CACNA1S: variants seen among roughly 807,000 people sequenced by gnomAD.
CACNA1S encodes calcium voltage-gated channel subunit alpha1 S, also known as voltage-dependent L-type calcium channel subunit alpha-1S.
CACNA1S carries 126 observed loss-of-function variants against 207.4 expected under a neutral mutation model. The ratio of observed to expected loss-of-function variants is 0.61; its 90% CI spans 0.53 to 0.70. CACNA1S has a LOEUF of 0.70. Ranked by LOEUF, CACNA1S falls within the 30% of genes least tolerant of loss-of-function variation. CACNA1S has a pLI of 0.00. For synonymous variants in CACNA1S, 960 were observed against 932.7 expected, an observed-to-expected ratio of 1.03 and a Z score of -0.53; for missense variants, 2,349 against 2,422.8, an observed-to-expected ratio of 0.97 and a Z score of 0.64.
chr1:201,040,282 C>T lies in CACNA1S; in HGVS notation c.5319G>A (p.Arg1773=). ...HEETPHSRST[R]ENTSRCSAPA... is the part of the protein sequence containing the mutation. ...GTGCTGAGCACCTGGAAGTATTCTC[C>T]CTGGTGCTCCTGCTGTGGGGTGTCT... Residue 1773 remains arginine, a synonymous_variant, in exon 43 of 44, where the codon AGG becomes AGA. Coordinates refer to ENST00000362061, the MANE Select transcript of CACNA1S (RefSeq NM_000069.3). The T allele has an allele frequency of 6.2e-7, 1 of 1,613,870 alleles. No homozygotes were observed. The highest frequency in any genetic ancestry group is 8.5e-7 in the Non-Finnish European group (1 of 1,179,960).
intron 16 of CACNA1S, among the ~76,000 whole-genome samples, chr1:201,071,291 A>G (rs751956270): frequency 6.6e-6 from 1 of 152,040 alleles, no homozygotes; most frequent in Non-Finnish European, 1.5e-5. Flanking sequence ...AAATCCACCA[A>G]GTCACATTCC....
chr1:201,092,671 T>G (rs919563163), intron 3 of CACNA1S, among the ~76,000 whole-genome samples: 5 of 152,188 alleles, frequency 3.3e-5, no homozygotes, highest in African/African-American at 1.2e-4. Flanking sequence ...TGGGACACAT[T>G]GCGTATGAAA....
Position 201,069,528 on chromosome 1 carries a change from TGAGCAGGATGAA to T in CACNA1S, c.2422_2433del (p.Phe808_Leu811del), listed in dbSNP as rs1177008257. On this transcript the variant is annotated inframe_deletion, in exon 18 of 44. Transcript: ENST00000362061. The stretch of plus-strand genomic sequence containing the variant: ...TCTTCCGCAGCCAGTGCAGCGCTGC[TGAGCAGGATGAA>T]GAGCAGGATGAAGTTGGTAAACCAG... The T allele has an allele frequency of 1.3e-6, 2 of 1,589,882 alleles. No homozygotes were observed. Among genetic ancestry groups the T allele is most frequent in the Non-Finnish European group, 1.7e-6 (2 of 1,169,570 alleles).
intron 9 of CACNA1S, among the ~76,000 whole-genome samples, chr1:201,084,363 T>C (rs578188618): frequency 2.6e-5 from 4 of 152,308 alleles, no homozygotes; most frequent in South Asian, 2.1e-4. Context: ...TGCACATCTG[T>C]TACCATGGTT....
In CACNA1S at chr1:201,069,127, CT is replaced by C. The variant is rs1558067210; in HGVS notation, c.2550+9del. On this transcript the variant is annotated intron_variant, in intron 19 of 43. Coordinates refer to ENST00000362061, the MANE Select transcript of CACNA1S (RefSeq NM_000069.3). ...TCCCTCCCCAGGGCTGCCCCACAGC[CT>C]TCACTCACCTTGAGGACAATCTCCA... 6 of 1,613,520 alleles carry C rather than the reference CT, an allele frequency of 3.7e-6. No individual in the cohort carries two copies. The South Asian group carries it at 6.6e-5, about 18-fold the overall frequency.
chr1:201,087,615 C>T (rs977602865), intron 7 of CACNA1S, among the ~76,000 whole-genome samples: 3 of 152,136 alleles, frequency 2.0e-5, no homozygotes, highest in Non-Finnish European at 2.9e-5. Flanking sequence ...CTTGGCCCAA[C>T]TGAGATGACA....
At position 201,053,622 on chromosome 1, in the gene CACNA1S, G is replaced by T; in HGVS notation, c.3667-35C>A. ...AGCAGCCCCAGAGGTCAGTCTGGGG[G>T]CAGAACCTCAGAGGGGTAAGGGGCA... is the stretch of plus-strand genomic sequence containing the variant. On this transcript the variant is annotated intron_variant, in intron 29 of 43. Transcript: ENST00000362061. The surrounding 1 kb of genome is among the most constrained non-coding windows in gnomAD (Gnocchi z 5.1). 1 of 1,602,834 alleles carries T rather than the reference G, an allele frequency of 6.2e-7. No homozygotes were observed. Among genetic ancestry groups the T allele is most frequent in the Non-Finnish European group, 8.5e-7 (1 of 1,172,664 alleles).
Position 201,045,422 on chromosome 1 carries a change from G to C in CACNA1S, c.4669-966C>G, listed in dbSNP as rs568679474. ...TGGGACAGCAAATGAAATTTGAATG[G>C]GGTCTGAGGATTAGAATGTAGTAAT... On this transcript the variant is annotated intron_variant, in intron 38 of 43. Coordinates refer to ENST00000362061, the MANE Select transcript of CACNA1S (RefSeq NM_000069.3). Among the ~76,000 whole-genome samples the C allele has an allele frequency of 2.0e-5, 3 of 152,212 alleles. No individual in the cohort carries two copies. The East Asian group carries it at 5.8e-4, about 29-fold the overall frequency.
At chr1:201,096,632 G>T (rs760103970) in intron 2 of CACNA1S, among the ~76,000 whole-genome samples, 26 of 152,210 alleles carry the variant, frequency 1.7e-4, no homozygotes, top group Non-Finnish European at 3.4e-4. Flanking sequence ...CAGCTCTGCT[G>T]CTTTGGGCAA....
intron 12 of CACNA1S, 142 bp downstream of exon 12, chr1:201,076,778 G>A (rs1661636682): frequency 5.1e-6 from 4 of 789,574 alleles, no homozygotes; most frequent in South Asian, 2.8e-5. Flanking sequence ...AGGTGATAGG[G>A]GAGCCCAGAG....
intron 2 of CACNA1S, 24 bp downstream of exon 2, chr1:201,110,140 G>A: frequency 1.2e-6 from 2 of 1,602,150 alleles, no homozygotes; most frequent in Non-Finnish European, 1.7e-6. Flanking sequence ...CTCGCAGGAA[G>A]GGAGATGGAA....
Position 201,073,621 on chromosome 1 carries a change from T to C in CACNA1S, c.2085A>G (p.Glu695=). The C allele has an allele frequency of 1.2e-6, 2 of 1,614,198 alleles. No homozygotes were observed. The highest frequency in any genetic ancestry group is 2.2e-5 in the South Asian group (2 of 91,090). Reference sequence around the variant, plus strand: ...TCTTGGCCATCGTTGACTTCTCCTCTTCTGACTTGTCTGGGAGACCCCTGA... The same window carrying C: ...TCTTGGCCATCGTTGACTTCTCCTCCTCTGACTTGTCTGGGAGACCCCTGA... ...KMSKGLPDKS[E]EEKSTMAKKL... Residue 695 remains glutamate, a synonymous_variant, in exon 15 of 44, where the codon GAA becomes GAG. Coordinates refer to ENST00000362061, the MANE Select transcript of CACNA1S (RefSeq NM_000069.3).
chr1:201,043,064 C>T, intron 40 of CACNA1S: 2 of 569,562 alleles, frequency 3.5e-6, no homozygotes, highest in South Asian at 3.9e-5. Flanking sequence ...AACACTGGGG[C>T]CAATACTGAC....
chr1:201,085,391 G>A (rs1662003700), intron 8 of CACNA1S, 45 bp downstream of exon 8: 1 of 1,613,092 alleles, frequency 6.2e-7, no homozygotes, highest in African/African-American at 1.3e-5. Flanking sequence ...AGAGGTGGGA[G>A]TGAGAGAGTG....
At chr1:201,095,106 G>A (rs368681997) in intron 2 of CACNA1S, among the ~76,000 whole-genome samples, 6 of 149,372 alleles carry the variant, frequency 4.0e-5, no homozygotes, top group Non-Finnish European at 7.4e-5. Flanking sequence ...CCTGCAGCAC[G>A]GCACAGCTCC....
intron 15 of CACNA1S, 37 bp downstream of exon 15, chr1:201,073,512 C>T (rs1379360872): frequency 1.3e-6 from 2 of 1,511,258 alleles, no homozygotes; most frequent in South Asian, 1.1e-5. Flanking sequence ...GGAAGAGCCC[C>T]TAGACTGCCT....
chr1:201,071,517 T>A (rs999976878), intron 16 of CACNA1S, among the ~76,000 whole-genome samples: 4 of 152,230 alleles, frequency 2.6e-5, no homozygotes, highest in Non-Finnish European at 5.9e-5. Context: ...TCATTGCACA[T>A]ATCTTTTGCT....
chr1:201,079,134 A>C (rs1203855788), intron 10 of CACNA1S, among the ~76,000 whole-genome samples: 1 of 144,418 alleles, frequency 6.9e-6, no homozygotes, highest in Non-Finnish European at 1.5e-5. Context: ...AAAAAAAAAC[A>C]AAAAAACCCA....
chr1:201,094,171 A>T, intron 2 of CACNA1S, 150 bp from the exon 3 acceptor site: 1 of 788,650 alleles, frequency 1.3e-6, no homozygotes. Context: ...CTACCCCCCC[A>T]CTCCACACCT....
Sources: gnomAD v4.1 joint callset for allele counts (sites outside exome capture counted in the v4.1 genomes callset) on GRCh38, gnomAD v4.1.1 for gene constraint, Gnocchi (gnomAD v3.1) non-coding constraint, MANE v1.5 for transcripts, NCBI Gene and HGNC (gene_info 2026-07-23, HGNC 2026-07-21) for gene names.